Variants in ZNF638 observed in about 807,000 individuals in gnomAD.
The protein encoded by ZNF638 is CTCL tumor antigen se33-1.
A neutral mutation model predicts 195.6 loss-of-function variants in ZNF638; 46 were observed. The ratio of observed to expected loss-of-function variants is 0.24; its 90% CI spans 0.19 to 0.30. The LOEUF (loss-of-function observed/expected upper bound fraction) is 0.30, where lower values mean the gene tolerates loss of function less well. ZNF638 is among the 10% of genes least tolerant of loss of function. The pLI, the probability that ZNF638 is intolerant of heterozygous loss-of-function variation, is 1.00. For missense variants in ZNF638, 2,440 were observed against 2,325.3 expected, an observed-to-expected ratio of 1.05 and a Z score of -1.01; for synonymous variants, 845 against 772.0, an observed-to-expected ratio of 1.09 and a Z score of -1.57.
At position 71,422,963 on chromosome 2, in the gene ZNF638, A is replaced by T. The variant is rs749318412; in HGVS notation, c.3449A>T (p.Glu1150Val). Residue 1150 changes from glutamate (E) to valine (V), a missense_variant, in exon 22 of 28, where the codon GAA (glutamate) becomes GTA (valine). Around this residue, in one of 5 missense-constraint regions of ZNF638, gnomAD observed 1,883 missense variants for 1,739.1 expected, o/e 1.08. Coordinates refer to ENST00000264447, the MANE Select transcript of ZNF638 (RefSeq NM_014497.5). ...CAGCAGGAAGAGCCTTGTGAGGAAGAAGCTGAAAAAGCAACATGTGATTCT... is the reference window on the plus strand; with the variant it reads ...CAGCAGGAAGAGCCTTGTGAGGAAGTAGCTGAAAAAGCAACATGTGATTCT... ...LVQQEEPCEE[E>V]AEKATCDSDF... 3.1e-6 allele frequency: 5 copies of T among 1,614,132 alleles called. No homozygotes were observed. The highest frequency in any genetic ancestry group is 4.2e-6 in the Non-Finnish European group (5 of 1,179,986).
chr2:71,422,346 C>A (rs1027363834), intron 21 of ZNF638, among the ~76,000 whole-genome samples: 6 of 151,624 alleles, frequency 4.0e-5, no homozygotes, highest in Admixed American at 3.3e-4. Flanking sequence ...GTCTTTTCCC[C>A]CCACCAGTTT....
At position 71,336,372 on chromosome 2, in the gene ZNF638, C is replaced by CA. The variant is rs66593443; in HGVS notation, c.-203+4525dup. Among the ~76,000 whole-genome samples, 883 of 105,416 alleles carry CA rather than the reference C, an allele frequency of 8.4e-3. 21 individuals are homozygous for CA. Among genetic ancestry groups the CA allele is most frequent in the African/African-American group, 9.7e-3 (283 of 29,034 alleles). 69.2% of individuals were successfully genotyped at this position (105,416 alleles called of 152,430 possible). On this transcript the variant is annotated intron_variant, in intron 1 of 27. Transcript: ENST00000264447. The stretch of plus-strand genomic sequence containing the variant: ...GGCAACAAGAGTGAAATTCCATCTC[C>CA]AAAAAAAAAAAAAAAAAAAAAAAAA...
chr2:71,349,821 T>C lies in ZNF638; in HGVS notation c.867T>C (p.Ser289=). The C allele has an allele frequency of 1.2e-6, 2 of 1,614,082 alleles. No individual in the cohort carries two copies. Among genetic ancestry groups the C allele is most frequent in the Non-Finnish European group, 1.7e-6 (2 of 1,180,006 alleles). Residue 289 remains serine, a synonymous_variant, in exon 2 of 28, where the codon AGT becomes AGC. Coordinates refer to ENST00000264447, the MANE Select transcript of ZNF638 (RefSeq NM_014497.5). The part of the protein sequence containing the change: ...SNNRSFFSVE[S]GTKMSGLHIS... ...ATCGGTCCTTTTTCTCAGTTGAGAG[T>C]GGAACCAAGATGTCAGGCTTACACA...
intron 1 of ZNF638, among the ~76,000 whole-genome samples, chr2:71,343,157 TTATAA>T (rs2078790893): frequency 6.6e-6 from 1 of 152,210 alleles, no homozygotes; most frequent in East Asian, 1.9e-4. Flanking sequence ...CTCAGCCTTG[TTATAA>T]TACTGACAAA....
chr2:71,399,677 G>GT (rs2079966480), intron 13 of ZNF638, 32 bp downstream of exon 13: 2 of 1,549,800 alleles, frequency 1.3e-6, no homozygotes, highest in Middle Eastern at 1.7e-4. Context: ...TCAGTGCTTT[G>GT]TTTTCTTTTC....
At chr2:71,352,422 G>T (rs764871042) in intron 2 of ZNF638, among the ~76,000 whole-genome samples, 3 of 151,160 alleles carry the variant, frequency 2.0e-5, no homozygotes, top group African/African-American at 4.9e-5. Context: ...AGGTTGCAGT[G>T]AGCCGAGATC....
chr2:71,334,629 T>A (rs1408888851), intron 1 of ZNF638: 3 of 152,196 alleles, frequency 2.0e-5, no homozygotes, highest in African/African-American at 7.2e-5. Flanking sequence ...ACAACTGTAA[T>A]AATGCGGGTG....
chr2:71,337,164 AAAGT>A (rs1558824843), intron 1 of ZNF638, among the ~76,000 whole-genome samples: 1 of 145,782 alleles, frequency 6.9e-6, no homozygotes. Flanking sequence ...GACTTTGTAT[AAAGT>A]AAGAAGATCA....
chr2:71,418,608 A>G lies in ZNF638; in HGVS notation c.3268A>G (p.Ile1090Val). 2 of 1,555,302 alleles carry G rather than the reference A, an allele frequency of 1.3e-6. No homozygotes were observed. Among genetic ancestry groups the G allele is most frequent in the Non-Finnish European group, 1.7e-6 (2 of 1,151,036 alleles). Reference protein sequence around the residue: ...SPKIDLPEVQIEHDPELEKES... With the variant: ...SPKIDLPEVQVEHDPELEKES... ...AATGCTGATTATATTACAGGTGCAA[A>G]TTGAGCATGACCCAGAATTAGAAAA... The change falls in exon 21 of 28, where the codon ATT becomes GTT. Residue 1090 changes from isoleucine (I) to valine (V), a missense_variant. By Grantham distance (29) the Ile-to-Val change is conservative. Around this residue, in one of 5 missense-constraint regions of ZNF638, gnomAD observed 1,883 missense variants for 1,739.1 expected, o/e 1.08. Transcript: ENST00000264447.
At chr2:71,361,155 G>T (rs1157537058) in intron 3 of ZNF638, among the ~76,000 whole-genome samples, 1 of 152,142 alleles carries the variant, frequency 6.6e-6, no homozygotes, top group Non-Finnish European at 1.5e-5. Flanking sequence ...TAGAGACAGG[G>T]TTGCCAAAGC....
chr2:71,336,636 A>G (rs113174530), intron 1 of ZNF638, among the ~76,000 whole-genome samples: 1,963 of 152,250 alleles, frequency 0.013, 44 homozygotes, highest in African/African-American at 0.045. Context: ...AGCATTCCCA[A>G]TGGGTACTGT....
At chr2:71,362,904 C>G (rs1161929385) in intron 3 of ZNF638, among the ~76,000 whole-genome samples, 1 of 152,158 alleles carries the variant, frequency 6.6e-6, no homozygotes. Flanking sequence ...TCTTGTACCT[C>G]TTAACACTTC....
chr2:71,392,181 G>T (rs1226651613), intron 10 of ZNF638, among the ~76,000 whole-genome samples: 1 of 152,172 alleles, frequency 6.6e-6, no homozygotes, highest in Non-Finnish European at 1.5e-5. Flanking sequence ...CTTTGATTAT[G>T]CAGGCCATAT....
At chr2:71,378,046 TA>T (rs1285146969) in intron 8 of ZNF638, among the ~76,000 whole-genome samples, 8 of 152,216 alleles carry the variant, frequency 5.3e-5, no homozygotes, top group Non-Finnish European at 1.0e-4. Context: ...CATCTTTTTC[TA>T]AAACATTAAA....
At chr2:71,398,473 A>G (rs78530573) in intron 11 of ZNF638, among the ~76,000 whole-genome samples, 3,433 of 152,276 alleles carry the variant, frequency 0.023, 128 homozygotes, top group African/African-American at 0.078. Context: ...TGTTTGACCT[A>G]TACCCCAGTA....
At chr2:71,409,222 A>G (rs1573138102) in intron 20 of ZNF638, among the ~76,000 whole-genome samples, 2 of 152,154 alleles carry the variant, frequency 1.3e-5, no homozygotes, top group African/African-American at 4.8e-5. Context: ...CCTTATTCGT[A>G]TAGTTTAAGT....
chr2:71,353,916 T>C (rs1485128345), intron 2 of ZNF638, among the ~76,000 whole-genome samples: 1 of 152,240 alleles, frequency 6.6e-6, no homozygotes, highest in Non-Finnish European at 1.5e-5. Flanking sequence ...CTAGAGACTC[T>C]TCTTCTAGCT....
intron 10 of ZNF638, among the ~76,000 whole-genome samples, chr2:71,389,732 C>G (rs2079731225): frequency 6.6e-6 from 1 of 152,190 alleles, no homozygotes; most frequent in African/African-American, 2.4e-5. Context: ...AAATGTTCGA[C>G]AAGGGCCTCA....
At chr2:71,338,814 T>A (rs1330097938) in intron 1 of ZNF638, among the ~76,000 whole-genome samples, 1 of 152,214 alleles carries the variant, frequency 6.6e-6, no homozygotes, top group Non-Finnish European at 1.5e-5. Flanking sequence ...TTGCTTTCAG[T>A]GTTAGATATT....
Sources: gnomAD v4.1 joint callset for allele counts (sites outside exome capture counted in the v4.1 genomes callset) on GRCh38, gnomAD v4.1.1 for gene constraint, gnomAD v4.1.1 regional missense constraint, MANE v1.5 for transcripts, NCBI Gene and HGNC (gene_info 2026-07-23, HGNC 2026-07-21) for gene names.